The following DCTN5 variants were observed in gnomAD, a reference collection of about 807,000 sequenced individuals.
DCTN5 encodes the protein dynactin 4.
A neutral mutation model predicts 23.5 loss-of-function variants in DCTN5; 14 were observed. That is an observed-to-expected ratio of 0.60 (90% CI 0.39 to 0.93). The LOEUF is 0.93. DCTN5 is among the 40% of genes least tolerant of loss of function. DCTN5 has a pLI of 0.00. For synonymous variants in DCTN5, 67 were observed against 79.6 expected (o/e 0.84, Z 0.84); for missense variants, 156 against 225.9 (o/e 0.69, Z 1.98).
chr16:23,648,766 T>C (rs1967532300), intron 2 of DCTN5, among the ~76,000 whole-genome samples: 1 of 152,298 alleles, frequency 6.6e-6, no homozygotes. Flanking sequence ...CTAGTATTTG[T>C]TATTTTTTGT....
rs77881488 is a variant in DCTN5 at position 23,673,058 on chromosome 16, G to T, written c.*5914G>T. On this transcript the variant is annotated 3_prime_UTR_variant, in exon 6 of 6. Coordinates refer to ENST00000300087, the MANE Select transcript of DCTN5 (RefSeq NM_032486.4). Reference sequence around the variant, plus strand: ...CAGGAGAATGGCGCGAACCCAGGGGGCGGAGCTTGCAGTGAGCTGTAATTG... The same window carrying T: ...CAGGAGAATGGCGCGAACCCAGGGGTCGGAGCTTGCAGTGAGCTGTAATTG... The T allele has an allele frequency of 6.6e-6, 1 of 151,626 alleles. No individual in the cohort carries two copies. The highest frequency in any genetic ancestry group is 2.4e-5 in the African/African-American group (1 of 41,246). 9.4% of individuals were successfully genotyped at this position (151,626 alleles called of 1,614,324 possible).
At chr16:23,658,652 G>A (rs1967756073) in intron 3 of DCTN5, 27 bp downstream of exon 3, 3 of 1,584,486 alleles carry the variant, frequency 1.9e-6, no homozygotes, top group Non-Finnish European at 1.7e-6. Flanking sequence ...CTTTGTTCAA[G>A]TCTTGGGCAA....
chr16:23,649,048 C>A (rs995782473), intron 2 of DCTN5, among the ~76,000 whole-genome samples: 1 of 151,820 alleles, frequency 6.6e-6, no homozygotes, highest in Non-Finnish European at 1.5e-5. Flanking sequence ...TTAGTAGAGA[C>A]GAGGTTTCAC....
intron 2 of DCTN5, among the ~76,000 whole-genome samples, chr16:23,654,612 T>TA (rs1017056953): frequency 6.6e-6 from 1 of 152,022 alleles, no homozygotes; most frequent in Non-Finnish European, 1.5e-5. Context: ...CTTAAAAGTT[T>TA]AAAAAAAATT....
chr16:23,644,467 A>AT, intron 2 of DCTN5, among the ~76,000 whole-genome samples: 1 of 151,560 alleles, frequency 6.6e-6, no homozygotes, highest in Non-Finnish European at 1.5e-5. Flanking sequence ...TGCCCAGCTA[A>AT]TTTTTTGTAT....
chr16:23,646,713 A>C (rs757907082), intron 2 of DCTN5, among the ~76,000 whole-genome samples: 3 of 152,016 alleles, frequency 2.0e-5, no homozygotes, highest in Non-Finnish European at 2.9e-5. Flanking sequence ...AGTAGCTGGG[A>C]TTACAGGCAT....
intron 2 of DCTN5, among the ~76,000 whole-genome samples, chr16:23,647,871 A>C (rs1967503622): frequency 6.6e-6 from 1 of 152,120 alleles, no homozygotes; most frequent in Non-Finnish European, 1.5e-5. Flanking sequence ...AATATATGTG[A>C]CATATATGTC....
In DCTN5 at chr16:23,667,396, A is replaced by G; in HGVS notation, c.*252A>G. 1 of 498,556 alleles carries G rather than the reference A, an allele frequency of 2.0e-6. No homozygotes were observed. The highest frequency in any genetic ancestry group is 3.6e-6 in the Non-Finnish European group (1 of 275,208). 30.9% of individuals were successfully genotyped at this position (498,556 alleles called of 1,614,324 possible). On this transcript the variant is annotated 3_prime_UTR_variant, in exon 6 of 6. Transcript: ENST00000300087. ...TATCTATGAACAGTCACTTTGTACC[A>G]TTATCTGTGGAACACAGAATCATCT...
chr16:23,663,409 G>A (rs570213483), intron 4 of DCTN5, among the ~76,000 whole-genome samples: 173 of 152,204 alleles, frequency 1.1e-3, no homozygotes, highest in African/African-American at 4.1e-3. Flanking sequence ...AGCTCTCTAG[G>A]GAAGAATAAA....
intron 2 of DCTN5, among the ~76,000 whole-genome samples, chr16:23,645,491 C>T (rs779598256): frequency 1.1e-4 from 17 of 152,098 alleles, no homozygotes; most frequent in Non-Finnish European, 1.8e-4. Flanking sequence ...ACCATCTCCA[C>T]TATCCATTTC....
intron 3 of DCTN5, among the ~76,000 whole-genome samples, chr16:23,660,042 A>AT (rs1967782646): frequency 6.6e-6 from 1 of 152,172 alleles, no homozygotes. Flanking sequence ...CTAAATGTGG[A>AT]TTTTTTTCTA....
chr16:23,667,329 GACC>G lies in DCTN5; in HGVS notation c.*187_*189del. On this transcript the variant is annotated 3_prime_UTR_variant, in exon 6 of 6. Coordinates refer to ENST00000300087, the MANE Select transcript of DCTN5 (RefSeq NM_032486.4). ...GTGCTTAAGAATTCACTAACAGACAGACCATCTGGAGGAGCTGTCTTCAAATGC... is the reference window on the plus strand; with the variant it reads ...GTGCTTAAGAATTCACTAACAGACAGATCTGGAGGAGCTGTCTTCAAATGC... 1.5e-6 allele frequency: 1 copy of G among 666,602 alleles called. No individual in the cohort carries two copies. Among genetic ancestry groups the G allele is most frequent in the Non-Finnish European group, 2.5e-6 (1 of 399,246 alleles). The allele number at this position is 666,602 out of a possible 1,614,324, so 41.3% of individuals were successfully genotyped here. A position where few individuals can be genotyped will look rare whatever the true frequency, so the allele number is the denominator to read the frequency against.
intron 2 of DCTN5, among the ~76,000 whole-genome samples, chr16:23,648,402 T>G (rs1047643450): frequency 4.0e-5 from 6 of 149,162 alleles, no homozygotes; most frequent in Non-Finnish European, 7.4e-5. Context: ...TGGGCTAAAG[T>G]GCAGTGGTGC....
chr16:23,642,150 C>T (rs754820667), intron 1 of DCTN5, among the ~76,000 whole-genome samples: 1 of 152,072 alleles, frequency 6.6e-6, no homozygotes, highest in Admixed American at 6.6e-5. Flanking sequence ...CCAGGCAGGT[C>T]CCTAACTCTT....
rs2140994073 is a variant in DCTN5 at position 23,673,874 on chromosome 16, A to G, written c.*6730A>G. On this transcript the variant is annotated 3_prime_UTR_variant, in exon 6 of 6. Coordinates refer to ENST00000300087, the MANE Select transcript of DCTN5 (RefSeq NM_032486.4). Reference sequence around the variant, plus strand: ...AAAATGAAAATACAGTTAAATTGCTAATGAACCCTTGTCAAAATCAAATGT... The same window carrying G: ...AAAATGAAAATACAGTTAAATTGCTGATGAACCCTTGTCAAAATCAAATGT... The G allele has an allele frequency of 6.6e-6, 1 of 152,374 alleles. No individual in the cohort carries two copies. The highest frequency in any genetic ancestry group is 2.1e-4 in the South Asian group (1 of 4,832). 9.4% of individuals were successfully genotyped at this position (152,374 alleles called of 1,614,324 possible). A position where few individuals can be genotyped will look rare whatever the true frequency, so the allele number is the denominator to read the frequency against.
Position 23,665,704 on chromosome 16 carries a change from T to C in DCTN5, c.427T>C (p.Phe143Leu). Reference sequence around the variant, plus strand: ...ACCTCCAGAAACTGTGGTTCCACCATTCACTGTCTTCTCAGGCTGCCCAGG... The same window carrying C: ...ACCTCCAGAAACTGTGGTTCCACCACTCACTGTCTTCTCAGGCTGCCCAGG... ...VLPPETVVPPFTVFSGCPGLF... is the reference protein window; with the variant it reads ...VLPPETVVPPLTVFSGCPGLF... The change falls in exon 5 of 6, where the codon TTC becomes CTC. Residue 143 changes from phenylalanine (F) to leucine (L), a missense_variant. Phe to Leu is a conservative substitution (Grantham distance 22). Around this residue, in one of 2 missense-constraint regions of DCTN5, gnomAD observed 153 missense variants for 206.8 expected, o/e 0.74. Transcript: ENST00000300087. The C allele has an allele frequency of 6.2e-7, 1 of 1,614,072 alleles. No individual in the cohort carries two copies. The highest frequency in any genetic ancestry group is 8.5e-7 in the Non-Finnish European group (1 of 1,179,986).
Position 23,676,613 on chromosome 16 carries a change from T to G in DCTN5, c.*9469T>G, listed in dbSNP as rs1332461900. The G allele has an allele frequency of 1.3e-5, 2 of 152,118 alleles. No homozygotes were observed. The highest frequency in any genetic ancestry group is 2.9e-5 in the Non-Finnish European group (2 of 68,036). 9.4% of individuals were successfully genotyped at this position (152,118 alleles called of 1,614,324 possible). On this transcript the variant is annotated 3_prime_UTR_variant, in exon 6 of 6. Transcript: ENST00000300087. ...AGCCACCTGGCTTCCTAAGATAGACTTTATGGTTAATGGGATTTATTTTAG... is the reference window on the plus strand; with the variant it reads ...AGCCACCTGGCTTCCTAAGATAGACGTTATGGTTAATGGGATTTATTTTAG...
At chr16:23,665,602 C>T in intron 4 of DCTN5, 24 bp from the exon 5 acceptor site, 1 of 1,602,342 alleles carries the variant, frequency 6.2e-7, no homozygotes, top group East Asian at 2.2e-5. Context: ...GATCCATTTC[C>T]TATTAACAAG....
At chr16:23,641,877 C>A (rs1416024114) in intron 1 of DCTN5, among the ~76,000 whole-genome samples, 1 of 152,070 alleles carries the variant, frequency 6.6e-6, no homozygotes, top group East Asian at 1.9e-4. Context: ...GACTTCGGGC[C>A]CTTTTACACT....
Sources: gnomAD v4.1 joint callset for allele counts (sites outside exome capture counted in the v4.1 genomes callset) on GRCh38, gnomAD v4.1.1 for gene constraint, gnomAD v4.1.1 regional missense constraint, MANE v1.5 for transcripts, NCBI Gene and HGNC (gene_info 2026-07-23, HGNC 2026-07-21) for gene names.